FSIP1: variants seen among roughly 807,000 people sequenced by gnomAD.
The protein encoded by FSIP1 is fibrous sheath-interacting protein 1.
A neutral mutation model predicts 60.9 loss-of-function variants in FSIP1; 65 were observed. That is an observed-to-expected ratio of 1.07 (90% CI 0.87 to 1.31). The LOEUF is 1.31. Among genes scored for constraint, FSIP1 ranks in the 40% most tolerant of loss-of-function variants. The pLI, the probability that FSIP1 is intolerant of heterozygous loss-of-function variation, is 0.00. For missense variants in FSIP1, 675 were observed against 665.5 expected, an observed-to-expected ratio of 1.01 and a Z score of -0.16; for synonymous variants, 209 against 221.2, an observed-to-expected ratio of 0.94 and a Z score of 0.49.
chr15:39,617,958 G>A lies in FSIP1; in HGVS notation c.1476C>T (p.Asn492=). The change falls in exon 11 of 12, where the codon AAC becomes AAT. Residue 492 remains asparagine (N), a synonymous_variant. Coordinates refer to ENST00000350221, the MANE Select transcript of FSIP1 (RefSeq NM_152597.5). ...YYLTKALTGH[N]MSEALVTEAE... The stretch of plus-strand genomic sequence containing the variant: ...CTTCAGTGACAAGAGCTTCTGACAT[G>A]TTATGTCCAGTCAAGGCTTTAGTGA... 1 of 1,614,158 alleles carries A rather than the reference G, an allele frequency of 6.2e-7. No homozygotes were observed.
chr15:39,742,144 A>G (rs1180507886), intron 5 of FSIP1, among the ~76,000 whole-genome samples: 1 of 152,246 alleles, frequency 6.6e-6, no homozygotes, highest in Non-Finnish European at 1.5e-5. Context: ...TTTCCCTAGA[A>G]CTTAAGCACA....
In FSIP1 at chr15:39,653,501, ACTTT is replaced by A. The variant is rs957239388; in HGVS notation, c.1189-35260_1189-35257del. ...ACAAACACATTAGCTGTACAAAAAA[ACTTT>A]CTTTCTTTATATCCTAATTCAATAA... On this transcript the variant is annotated intron_variant, in intron 10 of 11. Coordinates refer to ENST00000350221, the MANE Select transcript of FSIP1 (RefSeq NM_152597.5). 4.6e-5 allele frequency among the ~76,000 whole-genome samples: 7 copies of A among 152,316 alleles called. No homozygotes were observed. In the South Asian group the frequency reaches 8.3e-4, roughly 18 times the overall value.
chr15:39,759,166 A>G (rs1490245479), intron 5 of FSIP1, among the ~76,000 whole-genome samples: 1 of 152,092 alleles, frequency 6.6e-6, no homozygotes. Flanking sequence ...AGAAATGACT[A>G]ACTAGAGCAA....
chr15:39,716,875 C>T (rs903917334), intron 9 of FSIP1, among the ~76,000 whole-genome samples: 2 of 125,722 alleles, frequency 1.6e-5, no homozygotes, highest in Admixed American at 1.1e-4. Context: ...AGTGCAGTGG[C>T]GCAATCCTGG....
intron 10 of FSIP1, among the ~76,000 whole-genome samples, chr15:39,642,711 T>C (rs1347289722): frequency 1.3e-5 from 2 of 152,216 alleles, no homozygotes; most frequent in African/African-American, 4.8e-5. Context: ...CTTTCAAAGT[T>C]TTTTTGTTTG....
chr15:39,613,296 G>A (rs2140373118), intron 11 of FSIP1, among the ~76,000 whole-genome samples: 1 of 152,138 alleles, frequency 6.6e-6, no homozygotes, highest in African/African-American at 2.4e-5. Context: ...GAAATACAAA[G>A]GGTAATTATG....
At position 39,618,118 on chromosome 15, in the gene FSIP1, G is replaced by C; in HGVS notation, c.1316C>G (p.Pro439Arg). 6.2e-7 allele frequency: 1 copy of C among 1,614,124 alleles called. No individual in the cohort carries two copies. The highest frequency in any genetic ancestry group is 1.7e-5 in the Admixed American group (1 of 60,026). Reference sequence around the variant, plus strand: ...GGACCTGGAAAGCTGGGGGAACACAGGTGTTACGTCCTCAATGTCTTCCTT... The same window carrying C: ...GGACCTGGAAAGCTGGGGGAACACACGTGTTACGTCCTCAATGTCTTCCTT... ...RKKEDIEDVT[P>R]VFPQLSRSII... The change falls in exon 11 of 12, where the codon CCT becomes CGT. Residue 439 changes from proline (P) to arginine (R), a missense_variant. By Grantham distance (103) the Pro-to-Arg change is moderately radical (BLOSUM62 -2). Transcript: ENST00000350221.
intron 10 of FSIP1, among the ~76,000 whole-genome samples, chr15:39,701,665 T>C (rs540294322): frequency 2.6e-4 from 39 of 152,350 alleles, no homozygotes; most frequent in African/African-American, 7.9e-4. Flanking sequence ...CAAATCTTTG[T>C]CATATTCTCA....
chr15:39,624,131 A>T (rs1566856790), intron 10 of FSIP1, among the ~76,000 whole-genome samples: 1 of 152,246 alleles, frequency 6.6e-6, no homozygotes, highest in East Asian at 1.9e-4. Context: ...TGGTAGAAAC[A>T]CAACCATCCA....
intron 9 of FSIP1, among the ~76,000 whole-genome samples, chr15:39,720,428 T>C (rs1895907229): frequency 6.6e-6 from 1 of 152,172 alleles, no homozygotes. Flanking sequence ...TATATTCAAT[T>C]AAACTAGTTA....
chr15:39,669,020 G>A (rs1893612454), intron 10 of FSIP1, among the ~76,000 whole-genome samples: 1 of 152,178 alleles, frequency 6.6e-6, no homozygotes, highest in Non-Finnish European at 1.5e-5. Context: ...TTAGTAATGA[G>A]AGTTCTAAGC....
At chr15:39,751,957 C>T (rs1047541223) in intron 5 of FSIP1, among the ~76,000 whole-genome samples, 3 of 151,770 alleles carry the variant, frequency 2.0e-5, no homozygotes, top group Admixed American at 1.3e-4. Flanking sequence ...CTTAAATATA[C>T]ACAATAAAAT....
At chr15:39,705,204 T>G (rs1895212693) in intron 10 of FSIP1, among the ~76,000 whole-genome samples, 1 of 152,226 alleles carries the variant, frequency 6.6e-6, no homozygotes, top group Non-Finnish European at 1.5e-5. Context: ...TGATTATTTT[T>G]TATTTAAAAT....
chr15:39,715,100 G>C lies in FSIP1; in HGVS notation c.1051-1519C>G, dbSNP rs58757397. On this transcript the variant is annotated intron_variant, in intron 9 of 11. Coordinates refer to ENST00000350221, the MANE Select transcript of FSIP1 (RefSeq NM_152597.5). ...TGGTCTTGATGCTACCAGTCACCCT[G>C]TTGATTCCATTCTTTGCAGGGAAGA... 8.0e-3 allele frequency among the ~76,000 whole-genome samples: 1,214 copies of C among 152,026 alleles called. 17 individuals are homozygous for C. Among genetic ancestry groups the C allele is most frequent in the African/African-American group, 0.025 (1,044 of 41,476 alleles).
At chr15:39,662,310 G>A (rs933411685) in intron 10 of FSIP1, among the ~76,000 whole-genome samples, 1 of 151,934 alleles carries the variant, frequency 6.6e-6, no homozygotes. Flanking sequence ...ATGTAATCAA[G>A]CCCCCCAAAA....
At position 39,628,985 on chromosome 15, in the gene FSIP1, A is replaced by G. The variant is rs144007265; in HGVS notation, c.1189-10740T>C. Among the ~76,000 whole-genome samples, 29 of 152,354 alleles carry G rather than the reference A, an allele frequency of 1.9e-4. No individual in the cohort carries two copies. In the East Asian group the frequency reaches 5.4e-3, roughly 28 times the overall value. ...GAGCTCAATCAATGCTGGAACATCA[A>G]TAGCAAATCTCAGCTTCCGTCTGGA... On this transcript the variant is annotated intron_variant, in intron 10 of 11. Coordinates refer to ENST00000350221, the MANE Select transcript of FSIP1 (RefSeq NM_152597.5).
chr15:39,603,555 T>C (rs1445332802), intron 11 of FSIP1, among the ~76,000 whole-genome samples: 1 of 152,244 alleles, frequency 6.6e-6, no homozygotes, highest in African/African-American at 2.4e-5. Flanking sequence ...AGTTCCATAC[T>C]GGTTATATGT....
At chr15:39,641,481 C>T (rs1034351080) in intron 10 of FSIP1, among the ~76,000 whole-genome samples, 6 of 152,128 alleles carry the variant, frequency 3.9e-5, no homozygotes, top group African/African-American at 1.4e-4. Flanking sequence ...CAAAAAAATC[C>T]TCGAAACTGT....
At chr15:39,653,175 CAAA>C (rs35671970) in intron 10 of FSIP1, among the ~76,000 whole-genome samples, 2 of 116,670 alleles carry the variant, frequency 1.7e-5, no homozygotes, top group Non-Finnish European at 1.7e-5. Flanking sequence ...GACTTTGTCT[CAAA>C]AAAAAAAAAA....
Sources: gnomAD v4.1 joint callset for allele counts (sites outside exome capture counted in the v4.1 genomes callset) on GRCh38, gnomAD v4.1.1 for gene constraint, MANE v1.5 for transcripts, NCBI Gene and HGNC (gene_info 2026-07-23, HGNC 2026-07-21) for gene names.